The following FOXN3 variants were observed in gnomAD, a reference collection of about 807,000 sequenced individuals.
FOXN3 encodes the protein forkhead box protein N3.
In FOXN3, 7 loss-of-function variants were observed where a neutral mutation model predicts 38.4. The ratio of observed to expected loss-of-function variants is 0.18; its 90% CI spans 0.10 to 0.34. The LOEUF is 0.34. FOXN3 is among the 10% of genes least tolerant of loss of function. FOXN3 has a pLI of 1.00. For missense variants in FOXN3, 456 were observed against 613.4 expected, an observed-to-expected ratio of 0.74 and a Z score of 2.71; for synonymous variants, 230 against 242.2, an observed-to-expected ratio of 0.95 and a Z score of 0.47.
chr14:89,266,013 T>C (rs1885969037), intron 4 of FOXN3, among the ~76,000 whole-genome samples: 1 of 152,134 alleles, frequency 6.6e-6, no homozygotes, highest in South Asian at 2.1e-4. Flanking sequence ...GGATTTATCT[T>C]AAGCAGCCAA....
At chr14:89,330,873 G>A (rs1419277523) in intron 3 of FOXN3, among the ~76,000 whole-genome samples, 4 of 152,190 alleles carry the variant, frequency 2.6e-5, no homozygotes, top group Admixed American at 1.3e-4. Flanking sequence ...TAAGGCCAGG[G>A]AGCCTGTCCT....
Position 89,289,335 on chromosome 14 carries a change from G to A in FOXN3, c.681-8321C>T, listed in dbSNP as rs903745670. ...TGGCTTTTCTCATGTTCATTTTTGCGACTGGTTAGCAAGTCTGGCAGGCAG... is the reference window on the plus strand; with the variant it reads ...TGGCTTTTCTCATGTTCATTTTTGCAACTGGTTAGCAAGTCTGGCAGGCAG... On this transcript the variant is annotated intron_variant, in intron 3 of 5. Transcript: ENST00000557258. Among the ~76,000 whole-genome samples, 8 of 152,186 alleles carry A rather than the reference G, an allele frequency of 5.3e-5. No individual in the cohort carries two copies. In the East Asian group the frequency reaches 7.7e-4, roughly 15 times the overall value.
chr14:89,299,185 G>A lies in FOXN3; in HGVS notation c.681-18171C>T, dbSNP rs1465633031. 7.9e-5 allele frequency among the ~76,000 whole-genome samples: 12 copies of A among 152,344 alleles called. No individual in the cohort carries two copies. The East Asian group carries it at 2.1e-3, about 27-fold the overall frequency. ...CCCTACCCAAATCTCACCTTGAACT[G>A]TAATAATCCCCAAGTGTCAAGGGTG... On this transcript the variant is annotated intron_variant, in intron 3 of 5. Coordinates refer to ENST00000557258, the MANE Select transcript of FOXN3 (RefSeq NM_005197.4).
intron 1 of FOXN3, among the ~76,000 whole-genome samples, chr14:89,511,256 TTTC>T (rs1488830090): frequency 2.2e-4 from 5 of 22,310 alleles, no homozygotes; most frequent in East Asian, 1.4e-3. Flanking sequence ...CTTTTCTTTC[TTTC>T]TTTCTTTCTT....
intron 4 of FOXN3, among the ~76,000 whole-genome samples, chr14:89,209,185 G>A (rs562105586): frequency 6.6e-6 from 1 of 152,358 alleles, no homozygotes; most frequent in East Asian, 1.9e-4. Flanking sequence ...AGAACCAGCT[G>A]TAGTTACCAC....
intron 1 of FOXN3, among the ~76,000 whole-genome samples, chr14:89,577,687 T>C (rs1187013853): frequency 1.3e-5 from 2 of 152,194 alleles, no homozygotes; most frequent in African/African-American, 4.8e-5. Flanking sequence ...TTACCCTGGA[T>C]AATGTGGAGT....
At chr14:89,482,771 A>C (rs1467750176) in intron 1 of FOXN3, among the ~76,000 whole-genome samples, 1 of 147,974 alleles carries the variant, frequency 6.8e-6, no homozygotes, top group Non-Finnish European at 1.5e-5. Context: ...TTAGCTGGGC[A>C]TGGTGGCACG....
chr14:89,175,736 A>G (rs1887504064), intron 5 of FOXN3, among the ~76,000 whole-genome samples: 1 of 152,120 alleles, frequency 6.6e-6, no homozygotes, highest in South Asian at 2.1e-4. Flanking sequence ...CCTTCCCCAC[A>G]TCAGCTTTTT....
At chr14:89,463,883 CAA>C (rs1892914623) in intron 1 of FOXN3, among the ~76,000 whole-genome samples, 1 of 150,830 alleles carries the variant, frequency 6.6e-6, no homozygotes, top group African/African-American at 2.5e-5. Context: ...CTCCCAGGTT[CAA>C]GTGATTCTCC....
intron 3 of FOXN3, among the ~76,000 whole-genome samples, chr14:89,306,018 T>C (rs1327112161): frequency 2.0e-5 from 3 of 152,226 alleles, no homozygotes; most frequent in Non-Finnish European, 4.4e-5. Context: ...AAAGAAATTA[T>C]GAGAACACCA....
chr14:89,402,536 T>C lies in FOXN3; in HGVS notation c.543+9398A>G, dbSNP rs116993527. 5.3e-3 allele frequency among the ~76,000 whole-genome samples: 803 copies of C among 152,338 alleles called. 2 individuals are homozygous for C. Among genetic ancestry groups the C allele is most frequent in the Non-Finnish European group, 9.3e-3 (636 of 68,034 alleles). On this transcript the variant is annotated intron_variant, in intron 2 of 5. Transcript: ENST00000557258. ...CCAATGGATCAGGCAAAAGAGTCCA[T>C]TTCCCAGGCTTCCTTGCAGCTAGAA... is the stretch of plus-strand genomic sequence containing the variant.
At chr14:89,473,938 A>T (rs1159090924) in intron 1 of FOXN3, among the ~76,000 whole-genome samples, 3 of 152,264 alleles carry the variant, frequency 2.0e-5, no homozygotes, top group Non-Finnish European at 4.4e-5. Flanking sequence ...TAAAAAAAAA[A>T]ATAAATCCAC....
intron 1 of FOXN3, among the ~76,000 whole-genome samples, chr14:89,591,436 A>T (rs1176074724): frequency 3.9e-5 from 6 of 152,140 alleles, no homozygotes; most frequent in Non-Finnish European, 8.8e-5. Flanking sequence ...ACCTCCGGAG[A>T]GATACTGATA....
chr14:89,563,049 G>A (rs1474752061), intron 1 of FOXN3, among the ~76,000 whole-genome samples: 1 of 152,236 alleles, frequency 6.6e-6, no homozygotes. Context: ...AGACCAAGCA[G>A]CTAGTATCAG....
intron 1 of FOXN3, among the ~76,000 whole-genome samples, chr14:89,520,016 T>A (rs1387494127): frequency 1.4e-5 from 2 of 143,616 alleles, no homozygotes; most frequent in African/African-American, 5.7e-5. Flanking sequence ...TTTCTTTTTT[T>A]CTTTTTTTTT....
intron 5 of FOXN3, among the ~76,000 whole-genome samples, chr14:89,175,576 A>G (rs561294776): frequency 6.6e-6 from 1 of 152,204 alleles, no homozygotes; most frequent in East Asian, 1.9e-4. Context: ...CTGTGTGTGA[A>G]TCCAAATAAC....
At position 89,582,614 on chromosome 14, in the gene FOXN3, C is replaced by T. The variant is rs556732908; in HGVS notation, c.-15+36414G>A. On this transcript the variant is annotated intron_variant, in intron 1 of 6. Coordinates refer to the FOXN3 transcript ENST00000345097. ...ATGCCATTCTCCTGCCTCAGCCTCC[C>T]GAGTAGCAAACTCACCTTTTTAAAA... 1.2e-4 allele frequency among the ~76,000 whole-genome samples: 18 copies of T among 151,746 alleles called. No homozygotes were observed. In the South Asian group the frequency reaches 1.7e-3, roughly 14 times the overall value.
intron 3 of FOXN3, among the ~76,000 whole-genome samples, chr14:89,334,946 T>C (rs1335053241): frequency 6.6e-6 from 1 of 151,996 alleles, no homozygotes; most frequent in African/African-American, 2.4e-5. Flanking sequence ...TTTGTATTTT[T>C]AGTAGAGATG....
intron 1 of FOXN3, among the ~76,000 whole-genome samples, chr14:89,487,952 C>A (rs1189500325): frequency 6.6e-6 from 1 of 152,036 alleles, no homozygotes; most frequent in South Asian, 2.1e-4. Flanking sequence ...AAAGCGAAGG[C>A]CCGGAGGTTG....
Sources: allele counts gnomAD v4.1 joint callset (sites outside exome capture counted in the v4.1 genomes callset), GRCh38; gene constraint gnomAD v4.1.1; transcripts MANE v1.5; gene names NCBI Gene and HGNC (gene_info 2026-07-23, HGNC 2026-07-21).